HADHA: variants seen among roughly 807,000 people sequenced by gnomAD.
HADHA encodes hydroxyacyl-CoA dehydrogenase trifunctional multienzyme complex subunit alpha.
Under a neutral mutation model 91.3 loss-of-function variants are expected in HADHA, and 59 were observed. That is an observed-to-expected ratio of 0.65 (90% CI 0.52 to 0.80). The LOEUF (loss-of-function observed/expected upper bound fraction) is 0.80. HADHA is among the 30% of genes least tolerant of loss of function. HADHA has a pLI of 0.00. For missense variants in HADHA, 800 were observed against 927.6 expected, an observed-to-expected ratio of 0.86 and a Z score of 1.79; for synonymous variants, 320 against 338.9, an observed-to-expected ratio of 0.94 and a Z score of 0.61.
chr2:26,195,314 C>T, intron 14 of HADHA, 82 bp from the exon 15 acceptor site: 3 of 1,191,052 alleles, frequency 2.5e-6, no homozygotes, highest in South Asian at 2.4e-5. Context: ...TAGGAAAACA[C>T]TAGAAAGAAA....
Position 26,236,836 on chromosome 2 carries a change from C to CA in HADHA, c.314+18dup, listed in dbSNP as rs2147784338. The CA allele has an allele frequency of 1.9e-6, 3 of 1,599,574 alleles. No individual in the cohort carries two copies. Among genetic ancestry groups the CA allele is most frequent in the Non-Finnish European group, 2.6e-6 (3 of 1,168,518 alleles). Reference sequence around the variant, plus strand: ...TATTAACCAAGATAAAAGGTGACTTCAAGTTTCCTAAAACTTACTTGATAT... The same window carrying CA: ...TATTAACCAAGATAAAAGGTGACTTCAAAGTTTCCTAAAACTTACTTGATAT... On this transcript the variant is annotated intron_variant, in intron 4 of 19. Transcript: ENST00000380649.
rs1437188042 is a variant in HADHA, at chr2:26,193,779, A to G, written c.1690-7T>C. ...TCTTCGGGTCAACTCCTTCCTGAAC[A>G]GGAAGCGATGCAGGGACCTCAGGGG... is the stretch of plus-strand genomic sequence containing the variant. On this transcript the variant is annotated splice_polypyrimidine_tract_variant and splice_region_variant and intron_variant, in intron 16 of 19. Transcript: ENST00000380649. The G allele has an allele frequency of 6.2e-7, 1 of 1,613,310 alleles. No homozygotes were observed. The highest frequency in any genetic ancestry group is 1.3e-5 in the African/African-American group (1 of 74,900).
chr2:26,232,040 T>C, intron 6 of HADHA, 120 bp downstream of exon 6: 1 of 779,188 alleles, frequency 1.3e-6, no homozygotes, highest in Non-Finnish European at 2.3e-6. Flanking sequence ...TCACTGATCC[T>C]GTACACTCAT....
intron 19 of HADHA, 38 bp downstream of exon 19, chr2:26,191,445 G>A: frequency 1.2e-6 from 2 of 1,614,176 alleles, no homozygotes; most frequent in Non-Finnish European, 1.7e-6. Flanking sequence ...ACGGGCTCCA[G>A]GCTAAAGTGA....
chr2:26,192,303 G>GACTT lies in HADHA; in HGVS notation c.2000+3_2000+6dup. 1.4e-6 allele frequency: 2 copies of GACTT among 1,422,946 alleles called. No individual in the cohort carries two copies. The highest frequency in any genetic ancestry group is 2.0e-6 in the Non-Finnish European group (2 of 1,005,132). The allele number at this position is 1,422,946 out of a possible 1,614,324, so 88.1% of individuals were successfully genotyped here. On this transcript the variant is annotated splice_region_variant and intron_variant, in intron 18 of 19. Transcript: ENST00000380649. ...TTTCCAGGCATTAGCCACTCAAACG[G>GACTT]ACTTACACTTCAGACTTAGGAGGCA...
At position 26,193,785 on chromosome 2, in the gene HADHA, C is replaced by T. The variant is rs368557552; in HGVS notation, c.1690-13G>A. 4.6e-4 allele frequency: 740 copies of T among 1,609,060 alleles called. No individual in the cohort carries two copies. Among genetic ancestry groups the T allele is most frequent in the Middle Eastern group, 6.6e-4 (4 of 6,082 alleles). On this transcript the variant is annotated splice_polypyrimidine_tract_variant and intron_variant, in intron 16 of 19. Transcript: ENST00000380649. ...GGTCAACTCCTTCCTGAACAGGAAGCGATGCAGGGACCTCAGGGGAAGGGC... is the reference window on the plus strand; with the variant it reads ...GGTCAACTCCTTCCTGAACAGGAAGTGATGCAGGGACCTCAGGGGAAGGGC...
intron 1 of HADHA, among the ~76,000 whole-genome samples, chr2:26,241,575 C>A (rs1490894941): frequency 6.6e-6 from 1 of 151,850 alleles, no homozygotes; most frequent in South Asian, 2.1e-4. Context: ...CACTTGAACC[C>A]GGGAGGCGGA....
chr2:26,209,287 T>C (rs1357868886), intron 11 of HADHA, among the ~76,000 whole-genome samples: 1 of 152,216 alleles, frequency 6.6e-6, no homozygotes, highest in Non-Finnish European at 1.5e-5. Context: ...TTAGGCAGCG[T>C]AATATGGAAA....
rs1669471425 is a variant in HADHA at position 26,190,812 on chromosome 2, C to G, written c.*438G>C. 3.6e-6 allele frequency: 1 copy of G among 279,494 alleles called. No individual in the cohort carries two copies. Among genetic ancestry groups the G allele is most frequent in the African/African-American group, 2.2e-5 (1 of 45,538 alleles). The allele number at this position is 279,494 out of a possible 1,614,324, so 17.3% of individuals were successfully genotyped here. A position where few individuals can be genotyped will look rare whatever the true frequency, so the allele number is the denominator to read the frequency against. On this transcript the variant is annotated 3_prime_UTR_variant, in exon 20 of 20. Coordinates refer to ENST00000380649, the MANE Select transcript of HADHA (RefSeq NM_000182.5). ...CACACATTCTTACTCCCCCAAAGCA[C>G]AGGGCTTTCTTCCAGATTGCTTTTT...
chr2:26,200,704 C>T (rs2147759101), intron 13 of HADHA, among the ~76,000 whole-genome samples: 1 of 151,362 alleles, frequency 6.6e-6, no homozygotes, highest in South Asian at 2.1e-4. Flanking sequence ...CATGAGCACA[C>T]ATAAAAACTT....
At chr2:26,194,006 T>G (rs1489988339) in intron 16 of HADHA, among the ~76,000 whole-genome samples, 1 of 152,230 alleles carries the variant, frequency 6.6e-6, no homozygotes, top group East Asian at 1.9e-4. Context: ...TAGAGATGAC[T>G]AAATTCTTCA....
chr2:26,208,233 T>C (rs1264896729), intron 11 of HADHA, among the ~76,000 whole-genome samples: 1 of 152,164 alleles, frequency 6.6e-6, no homozygotes, highest in African/African-American at 2.4e-5. Context: ...TGTGGTTGTT[T>C]TTTGGGGGAC....
At chr2:26,193,042 C>T (rs1669557191) in intron 17 of HADHA, among the ~76,000 whole-genome samples, 1 of 152,072 alleles carries the variant, frequency 6.6e-6, no homozygotes. Context: ...CAGAAAGTCA[C>T]TTCTCTGTGG....
chr2:26,191,124 G>A lies in HADHA; in HGVS notation c.*126C>T, dbSNP rs1027130042. ...TCTTGGCTGAAGGCACTTTAATCAG[G>A]GAGCAAACCCAGTGCCGGAGTTTGT... On this transcript the variant is annotated 3_prime_UTR_variant, in exon 20 of 20. Transcript: ENST00000380649. 3.2e-6 allele frequency: 3 copies of A among 939,786 alleles called. No homozygotes were observed. The highest frequency in any genetic ancestry group is 5.1e-6 in the Non-Finnish European group (3 of 592,794). 58.2% of individuals were successfully genotyped at this position (939,786 alleles called of 1,614,324 possible).
intron 5 of HADHA, 23 bp from the exon 6 acceptor site, chr2:26,232,302 T>C (rs1380545393): frequency 9.0e-6 from 14 of 1,564,120 alleles, no homozygotes; most frequent in Non-Finnish European, 1.1e-5. Flanking sequence ...GAAAGAAAAT[T>C]AGAATGTTAG....
chr2:26,192,160 C>T lies in HADHA; in HGVS notation c.2000+150G>A, dbSNP rs1474783882. 9 of 621,910 alleles carry T rather than the reference C, an allele frequency of 1.4e-5. No homozygotes were observed. In the East Asian group the frequency reaches 2.2e-4, roughly 15 times the overall value. 38.5% of individuals were successfully genotyped at this position (621,910 alleles called of 1,614,324 possible). On this transcript the variant is annotated intron_variant, in intron 18 of 19. Transcript: ENST00000380649. ...GTCACAAAGAAAATGGAAGACAGCA[C>T]CATGGCACGTGTATACCTATGTAAC... is the stretch of plus-strand genomic sequence containing the variant.
intron 13 of HADHA, among the ~76,000 whole-genome samples, 164 bp from the exon 14 acceptor site, chr2:26,197,941 T>A (rs568307364): frequency 6.6e-6 from 1 of 152,244 alleles, no homozygotes; most frequent in African/African-American, 2.4e-5. Flanking sequence ...ACCTAGGGGG[T>A]TTTGTGTCGG....
At chr2:26,230,321 T>A in intron 6 of HADHA, 27 bp from the exon 7 acceptor site, 1 of 1,329,172 alleles carries the variant, frequency 7.5e-7, no homozygotes, top group Non-Finnish European at 1.1e-6. Flanking sequence ...GATGAGAATA[T>A]AGGGGGAAAA....
chr2:26,213,242 G>A (rs1670144685), intron 9 of HADHA, among the ~76,000 whole-genome samples: 1 of 152,112 alleles, frequency 6.6e-6, no homozygotes, highest in Admixed American at 6.6e-5. Flanking sequence ...GCCTGTTGCT[G>A]CTTTCCTATT....
Sources: gnomAD v4.1 joint callset for allele counts (sites outside exome capture counted in the v4.1 genomes callset) on GRCh38, gnomAD v4.1.1 for gene constraint, MANE v1.5 for transcripts, NCBI Gene and HGNC (gene_info 2026-07-23, HGNC 2026-07-21) for gene names.